Variants in UCK2 observed in about 807,000 individuals in gnomAD.
UCK2 encodes uridine-cytidine kinase 2.
UCK2 carries 6 observed loss-of-function variants against 30.8 expected under a neutral mutation model. The ratio of observed to expected loss-of-function variants is 0.19; its 90% CI spans 0.11 to 0.38. UCK2 has a LOEUF of 0.38. Among genes scored for constraint, UCK2 ranks in the 10% least tolerant of loss-of-function variants. The pLI, the probability that UCK2 is intolerant of heterozygous loss-of-function variation, is 1.00. For synonymous variants in UCK2, 125 were observed against 133.6 expected (o/e 0.94, Z 0.45); for missense variants, 210 against 339.8 (o/e 0.62, Z 3.00).
At chr1:165,872,714 C>T (rs1655225575) in intron 1 of UCK2, among the ~76,000 whole-genome samples, 1 of 152,156 alleles carries the variant, frequency 6.6e-6, no homozygotes. Flanking sequence ...AAAAAGGAGG[C>T]AGTCTTAAAA....
intron 1 of UCK2, among the ~76,000 whole-genome samples, chr1:165,861,653 A>AAAAAC (rs1654907639): frequency 8.7e-6 from 1 of 114,394 alleles, no homozygotes; most frequent in Non-Finnish European, 1.9e-5. Context: ...AAAAAAACAA[A>AAAAAC]AAAAAACAAC....
At chr1:165,890,406 T>C (rs1655737120) in intron 2 of UCK2, 43 bp downstream of exon 2, 1 of 1,588,900 alleles carries the variant, frequency 6.3e-7, no homozygotes, top group African/African-American at 1.3e-5. Context: ...TATTGGTGTG[T>C]TGGGGGGAAT....
chr1:165,869,928 T>A (rs903436267), intron 1 of UCK2, among the ~76,000 whole-genome samples: 9 of 152,074 alleles, frequency 5.9e-5, no homozygotes, highest in African/African-American at 2.2e-4. Context: ...ATTATATTAA[T>A]AGGTTGAGCC....
rs770734900 is a variant in UCK2 at position 165,907,986 on chromosome 1, G to A, written c.*163G>A. On this transcript the variant is annotated 3_prime_UTR_variant, in exon 7 of 7. Transcript: ENST00000367879. ...TTTTTTTCTTTTTGTACTTTGGAACGACAAAATGAAACAGAACTTGACCCT... is the reference window on the plus strand; with the variant it reads ...TTTTTTTCTTTTTGTACTTTGGAACAACAAAATGAAACAGAACTTGACCCT... The A allele has an allele frequency of 3.1e-5, 33 of 1,050,422 alleles. No individual in the cohort carries two copies. The African/African-American group carries it at 3.9e-4, about 12-fold the overall frequency. 65.1% of individuals were successfully genotyped at this position (1,050,422 alleles called of 1,614,324 possible). A position where few individuals can be genotyped will look rare whatever the true frequency, so the allele number is the denominator to read the frequency against.
At chr1:165,857,821 A>G (rs1654788585) in intron 1 of UCK2, among the ~76,000 whole-genome samples, 1 of 152,092 alleles carries the variant, frequency 6.6e-6, no homozygotes, top group Non-Finnish European at 1.5e-5. Context: ...TGTTGGCCTT[A>G]CTTTCTCCCT....
intron 1 of UCK2, among the ~76,000 whole-genome samples, chr1:165,873,844 T>A (rs1231779659): frequency 6.6e-6 from 1 of 152,134 alleles, no homozygotes; most frequent in Non-Finnish European, 1.5e-5. Flanking sequence ...CCCTCCTGCC[T>A]AAAACACCAG....
chr1:165,859,106 A>G (rs1181249751), intron 1 of UCK2, among the ~76,000 whole-genome samples: 1 of 152,192 alleles, frequency 6.6e-6, no homozygotes, highest in Non-Finnish European at 1.5e-5. Flanking sequence ...CAGGGAATGG[A>G]GGACTGTAAT....
intron 4 of UCK2, chr1:165,902,627 C>A (rs1328404402): frequency 6.4e-5 from 3 of 47,092 alleles, no homozygotes; most frequent in Non-Finnish European, 1.6e-4. Flanking sequence ...TTTGGCAAAC[C>A]TCTGTGCATG....
At chr1:165,907,573 TG>T in intron 6 of UCK2, 110 bp from the exon 7 acceptor site, 1 of 1,450,056 alleles carries the variant, frequency 6.9e-7, no homozygotes, top group Non-Finnish European at 9.3e-7. Flanking sequence ...GCCACTTCCC[TG>T]GAAGTCTTTC....
chr1:165,847,211 C>T (rs942785174), intron 1 of UCK2, among the ~76,000 whole-genome samples: 3 of 152,064 alleles, frequency 2.0e-5, no homozygotes, highest in Non-Finnish European at 4.4e-5. Context: ...CAAAGTTACT[C>T]GCTGTGTGTC....
intron 1 of UCK2, among the ~76,000 whole-genome samples, chr1:165,855,485 C>T (rs940208780): frequency 4.7e-5 from 7 of 150,366 alleles, no homozygotes; most frequent in East Asian, 1.9e-4. Context: ...CATATATATT[C>T]GGTCACTTCC....
intron 1 of UCK2, among the ~76,000 whole-genome samples, chr1:165,844,298 C>T (rs1425804901): frequency 2.6e-5 from 4 of 152,182 alleles, no homozygotes; most frequent in Non-Finnish European, 5.9e-5. Flanking sequence ...TGGATGAACA[C>T]GAGGTATTCC....
intron 1 of UCK2, among the ~76,000 whole-genome samples, chr1:165,859,215 G>A (rs1415611658): frequency 1.3e-5 from 2 of 152,104 alleles, no homozygotes; most frequent in Non-Finnish European, 2.9e-5. Context: ...CCCTGCGGAG[G>A]AGGCTGCTGG....
intron 5 of UCK2, among the ~76,000 whole-genome samples, chr1:165,905,155 A>G (rs952789589): frequency 2.0e-5 from 3 of 152,224 alleles, no homozygotes; most frequent in African/African-American, 7.2e-5. Flanking sequence ...TGTTCTCTGC[A>G]TAGGTCATAA....
intron 1 of UCK2, among the ~76,000 whole-genome samples, chr1:165,848,434 C>G (rs1654504486): frequency 6.6e-6 from 1 of 152,062 alleles, no homozygotes; most frequent in Non-Finnish European, 1.5e-5. Context: ...GAGTTCGACA[C>G]CAGCCTGGCC....
At chr1:165,869,568 C>A (rs566320960) in intron 1 of UCK2, among the ~76,000 whole-genome samples, 4 of 151,312 alleles carry the variant, frequency 2.6e-5, no homozygotes, top group African/African-American at 9.7e-5. Flanking sequence ...TCCTTTTCCT[C>A]GCATGCTTGC....
rs115351342 is a variant in UCK2 at position 165,849,475 on chromosome 1, G to A, written c.99+21543G>A. Among the ~76,000 whole-genome samples, 57 of 152,318 alleles carry A rather than the reference G, an allele frequency of 3.7e-4. 1 individual carries two copies. Among genetic ancestry groups the A allele is most frequent in the African/African-American group, 1.3e-3 (53 of 41,572 alleles). Reference sequence around the variant, plus strand: ...TCCTGAAGCAAGCCTGGTCTAGGGCGTTCTGGCCTCTAAGATTGAGAGGGA... The same window carrying A: ...TCCTGAAGCAAGCCTGGTCTAGGGCATTCTGGCCTCTAAGATTGAGAGGGA... On this transcript the variant is annotated intron_variant, in intron 1 of 6. Coordinates refer to ENST00000367879, the MANE Select transcript of UCK2 (RefSeq NM_012474.5).
chr1:165,889,688 CTTT>C (rs57710760), intron 1 of UCK2, among the ~76,000 whole-genome samples: 2 of 129,642 alleles, frequency 1.5e-5, no homozygotes, highest in Admixed American at 7.6e-5. Flanking sequence ...CTCCGTTAGC[CTTT>C]TTTTTTTTTT....
chr1:165,847,877 G>A (rs1654490630), intron 1 of UCK2, among the ~76,000 whole-genome samples: 1 of 151,984 alleles, frequency 6.6e-6, no homozygotes. Flanking sequence ...CACTACCTCT[G>A]CCTCCTGGGT....
Sources: allele counts gnomAD v4.1 joint callset (sites outside exome capture counted in the v4.1 genomes callset), GRCh38; gene constraint gnomAD v4.1.1; transcripts MANE v1.5; gene names NCBI Gene and HGNC (gene_info 2026-07-23, HGNC 2026-07-21).